Variants in DLG2 observed in about 807,000 individuals in gnomAD.
DLG2 encodes the protein disks large homolog 2.
A neutral mutation model predicts 132.5 loss-of-function variants in DLG2; 45 were observed. The observed-to-expected ratio is 0.34, with a 90% CI of 0.27 to 0.44. The LOEUF (loss-of-function observed/expected upper bound fraction) is 0.44, where lower values mean the gene tolerates loss of function less well. DLG2 is among the 20% of genes least tolerant of loss of function. The probability of loss-of-function intolerance (pLI) is 1.00; values close to 1 mark genes in which losing one functional copy is unlikely to be tolerated. For missense variants in DLG2, 1,045 were observed against 1,196.9 expected (o/e 0.87, Z 1.87); for synonymous variants, 424 against 419.6 (o/e 1.01, Z -0.13).
chr11:83,839,786 C>T (rs1213516075), intron 16 of DLG2, among the ~76,000 whole-genome samples: 1 of 152,118 alleles, frequency 6.6e-6, no homozygotes, highest in East Asian at 1.9e-4. Context: ...CTTTAACTGC[C>T]CTTAGCTCTT....
intron 7 of DLG2, chr11:84,273,126 G>A: frequency 6.7e-7 from 1 of 1,483,388 alleles, no homozygotes; most frequent in South Asian, 1.4e-5. Flanking sequence ...GAATCCCTAG[G>A]AAAATAAAAG....
At chr11:85,503,276 C>A (rs896534151) in intron 3 of DLG2, among the ~76,000 whole-genome samples, 1 of 152,042 alleles carries the variant, frequency 6.6e-6, no homozygotes, top group African/African-American at 2.4e-5. Context: ...CTTGACACTT[C>A]TTTTCTTACT....
chr11:83,788,681 A>G (rs897185618), intron 17 of DLG2, among the ~76,000 whole-genome samples: 3 of 152,244 alleles, frequency 2.0e-5, no homozygotes, highest in African/African-American at 7.2e-5. Context: ...CACAAACTTC[A>G]CATGCCAAAT....
intron 6 of DLG2, among the ~76,000 whole-genome samples, chr11:84,552,948 GTACTATCTCT>G (rs1183361221): frequency 1.3e-5 from 2 of 152,152 alleles, no homozygotes; most frequent in African/African-American, 2.4e-5. Flanking sequence ...TCTTGCTAAA[GTACTATCTCT>G]TACTGATTTT....
intron 18 of DLG2, among the ~76,000 whole-genome samples, chr11:83,753,795 G>GAGAT (rs1158678552): frequency 9.9e-6 from 1 of 101,300 alleles, no homozygotes; most frequent in Non-Finnish European, 1.8e-5. Context: ...TCATATATAT[G>GAGAT]ATATATCATA....
chr11:84,928,970 GTGTGTGTGTGTGTATATATA>G (rs2047733343), intron 6 of DLG2, among the ~76,000 whole-genome samples: 1 of 28,782 alleles, frequency 3.5e-5, no homozygotes, highest in Admixed American at 4.9e-4. Flanking sequence ...GTGTGTGTGT[GTGTGTGTGTGTGTATATATA>G]TATATATATA....
chr11:85,324,728 C>T (rs1034487431), intron 3 of DLG2, among the ~76,000 whole-genome samples: 9 of 149,828 alleles, frequency 6.0e-5, no homozygotes, highest in African/African-American at 9.8e-5. Context: ...GACTGAAAAA[C>T]GGTGTGCTTA....
chr11:85,288,369 C>A (rs1444787092), intron 3 of DLG2, among the ~76,000 whole-genome samples: 1 of 151,804 alleles, frequency 6.6e-6, no homozygotes, highest in Non-Finnish European at 1.5e-5. Flanking sequence ...ATACATCTTT[C>A]CCAGATTTTT....
At chr11:83,732,708 G>C (rs2091239814) in intron 18 of DLG2, among the ~76,000 whole-genome samples, 1 of 152,148 alleles carries the variant, frequency 6.6e-6, no homozygotes, top group African/African-American at 2.4e-5. Flanking sequence ...TAAAAGGAAA[G>C]CTTAATGATT....
chr11:84,270,477 T>C (rs1349153792), intron 7 of DLG2, among the ~76,000 whole-genome samples: 1 of 152,222 alleles, frequency 6.6e-6, no homozygotes, highest in Non-Finnish European at 1.5e-5. Context: ...TGAGCAGCAC[T>C]ATCCAGGTAT....
At chr11:85,060,370 C>T (rs1258936102) in intron 6 of DLG2, among the ~76,000 whole-genome samples, 1 of 149,732 alleles carries the variant, frequency 6.7e-6, no homozygotes, top group South Asian at 2.1e-4. Context: ...AAATGAATCT[C>T]ATAATACATC....
At chr11:83,736,308 G>A (rs1057377799) in intron 18 of DLG2, among the ~76,000 whole-genome samples, 2 of 152,002 alleles carry the variant, frequency 1.3e-5, no homozygotes, top group South Asian at 2.1e-4. Context: ...TCCTCATAGG[G>A]GAAAAGGGTA....
intron 11 of DLG2, among the ~76,000 whole-genome samples, chr11:84,007,625 A>C (rs1409218614): frequency 1.3e-5 from 2 of 151,778 alleles, no homozygotes; most frequent in African/African-American, 4.8e-5. Context: ...TTTGCATGCT[A>C]AAATAATAAA....
At chr11:84,233,916 C>T (rs2097126849) in intron 8 of DLG2, among the ~76,000 whole-genome samples, 1 of 152,212 alleles carries the variant, frequency 6.6e-6, no homozygotes. Context: ...GGAAAGGCAG[C>T]TTCCCAATAA....
chr11:84,346,864 A>G (rs1196151233), intron 7 of DLG2, among the ~76,000 whole-genome samples: 1 of 152,092 alleles, frequency 6.6e-6, no homozygotes, highest in Non-Finnish European at 1.5e-5. Context: ...TTTTGATTCT[A>G]CTATTGAAAA....
chr11:84,227,024 T>C (rs1386248066), intron 8 of DLG2, among the ~76,000 whole-genome samples: 1 of 151,976 alleles, frequency 6.6e-6, no homozygotes, highest in Non-Finnish European at 1.5e-5. Flanking sequence ...AGTCGGAGAT[T>C]GCAGTGAGCC....
rs778155811 is a variant in DLG2, at chr11:84,405,057, T to C, written c.519+129513A>G. Among the ~76,000 whole-genome samples the C allele has an allele frequency of 1.2e-4, 19 of 152,284 alleles. 1 individual carries two copies. The highest frequency in any genetic ancestry group is 6.8e-3 in the Middle Eastern group (2 of 294). ...CAAAGGAAATGAATATCCTCTTTAT[T>C]CTTGTAATAAGGAAGAGGGGGGAGA... On this transcript the variant is annotated intron_variant, in intron 7 of 27. Transcript: ENST00000376104.
At chr11:84,168,024 G>A (rs1046178179) in intron 8 of DLG2, among the ~76,000 whole-genome samples, 1 of 152,144 alleles carries the variant, frequency 6.6e-6, no homozygotes, top group African/African-American at 2.4e-5. Context: ...GCTGAAACAA[G>A]GATATCAAAG....
intron 11 of DLG2, among the ~76,000 whole-genome samples, chr11:83,987,994 C>G (rs886999805): frequency 1.3e-5 from 2 of 151,698 alleles, no homozygotes; most frequent in Non-Finnish European, 2.9e-5. Flanking sequence ...TTGTTTTTTT[C>G]TTGTAAATTT....
Sources: allele counts gnomAD v4.1 joint callset (sites outside exome capture counted in the v4.1 genomes callset), GRCh38; gene constraint gnomAD v4.1.1; transcripts MANE v1.5; gene names NCBI Gene and HGNC (gene_info 2026-07-23, HGNC 2026-07-21).